RAB38: variants seen among roughly 807,000 people sequenced by gnomAD.
RAB38 encodes RAB38, member RAS oncogene family.
RAB38 carries 15 observed loss-of-function variants against 18.4 expected under a neutral mutation model. The observed-to-expected ratio is 0.82, with a 90% CI of 0.55 to 1.26. The LOEUF (loss-of-function observed/expected upper bound fraction) is 1.26. RAB38 is among the 50% of genes most tolerant of loss of function. The pLI is 0.00. For synonymous variants in RAB38, 101 were observed against 104.4 expected, an observed-to-expected ratio of 0.97 and a Z score of 0.20; for missense variants, 294 against 267.4, an observed-to-expected ratio of 1.10 and a Z score of -0.69.
chr11:87,937,352 C>CATATATATATATATATA, the RAB38 span, among the ~76,000 whole-genome samples: 30 of 75,376 alleles, frequency 4.0e-4, no homozygotes, highest in South Asian at 0.012. Flanking sequence ...ATATATATAT[C>CATATATATATATATATA]ATAATTCTAT....
intron 2 of RAB38, among the ~76,000 whole-genome samples, chr11:88,133,076 T>A (rs1007225376): frequency 6.6e-6 from 1 of 152,164 alleles, no homozygotes; most frequent in Non-Finnish European, 1.5e-5. Context: ...CATTATCCCA[T>A]GCTCTGTTCA....
At chr11:88,020,055 C>T in the RAB38 span, among the ~76,000 whole-genome samples, 1 of 152,090 alleles carries the variant, frequency 6.6e-6, no homozygotes, top group Non-Finnish European at 1.5e-5. Context: ...GTAAATGAGT[C>T]TTTGAGACAA....
the RAB38 span, among the ~76,000 whole-genome samples, chr11:88,043,399 TAGA>T: frequency 1.3e-5 from 2 of 151,902 alleles, no homozygotes; most frequent in African/African-American, 4.8e-5. Context: ...GGAGGAAAAT[TAGA>T]AGGTGATTGT....
At chr11:87,913,726 C>T in the RAB38 span, among the ~76,000 whole-genome samples, 7 of 152,064 alleles carry the variant, frequency 4.6e-5, no homozygotes, top group African/African-American at 1.2e-4. Flanking sequence ...GTGGGACTGA[C>T]GCTTTGAGAG....
At chr11:88,044,564 C>A in the RAB38 span, among the ~76,000 whole-genome samples, 1 of 152,140 alleles carries the variant, frequency 6.6e-6, no homozygotes, top group Non-Finnish European at 1.5e-5. Flanking sequence ...TTCCAAATAG[C>A]CAGAAAATGC....
At chr11:88,012,113 C>T in the RAB38 span, among the ~76,000 whole-genome samples, 1 of 152,240 alleles carries the variant, frequency 6.6e-6, no homozygotes, top group Admixed American at 6.5e-5. Flanking sequence ...GTCACTTTTG[C>T]TCTCTGGGCC....
the RAB38 span, among the ~76,000 whole-genome samples, chr11:87,914,956 G>T: frequency 2.0e-5 from 3 of 152,132 alleles, no homozygotes; most frequent in African/African-American, 7.2e-5. Flanking sequence ...CAGAGGCTTG[G>T]CAGCCTCCAC....
the RAB38 span, among the ~76,000 whole-genome samples, chr11:87,909,768 C>T: frequency 6.6e-6 from 1 of 151,964 alleles, no homozygotes; most frequent in African/African-American, 2.4e-5. Flanking sequence ...ACCAATTGTT[C>T]CTTACTTTTT....
At chr11:87,849,516 C>G in the RAB38 span, among the ~76,000 whole-genome samples, 1 of 152,096 alleles carries the variant, frequency 6.6e-6, no homozygotes, top group South Asian at 2.1e-4. Flanking sequence ...CCAATAGTGT[C>G]AGTGTGGCAG....
At chr11:87,882,784 G>A in the RAB38 span, among the ~76,000 whole-genome samples, 1 of 151,726 alleles carries the variant, frequency 6.6e-6, no homozygotes, top group Non-Finnish European at 1.5e-5. Flanking sequence ...GGAAACTGAG[G>A]TAACCTATTT....
chr11:88,123,267 A>G (rs1392793527), intron 2 of RAB38, among the ~76,000 whole-genome samples: 2 of 152,132 alleles, frequency 1.3e-5, no homozygotes, highest in Non-Finnish European at 2.9e-5. Context: ...CAGGAGTTTC[A>G]TTGCCCCATC....
At chr11:88,087,631 A>G in the RAB38 span, among the ~76,000 whole-genome samples, 2 of 151,962 alleles carry the variant, frequency 1.3e-5, no homozygotes, top group African/African-American at 2.4e-5. Flanking sequence ...GGTAAACCCA[A>G]TTTAAATTGC....
chr11:88,061,172 G>A, the RAB38 span, among the ~76,000 whole-genome samples: 2 of 152,176 alleles, frequency 1.3e-5, no homozygotes, highest in Non-Finnish European at 2.9e-5. Context: ...TTTTGCCAGT[G>A]AGGAAATTGA....
the RAB38 span, among the ~76,000 whole-genome samples, chr11:88,064,348 A>G: frequency 6.6e-6 from 1 of 152,206 alleles, no homozygotes; most frequent in African/African-American, 2.4e-5. Context: ...TTGAAACCAT[A>G]TTTCTGGCTT....
chr11:87,891,699 G>A, the RAB38 span, among the ~76,000 whole-genome samples: 2 of 151,860 alleles, frequency 1.3e-5, no homozygotes, highest in African/African-American at 2.4e-5. Context: ...TTTGGAATAT[G>A]TATTTTGAAT....
the RAB38 span, among the ~76,000 whole-genome samples, chr11:88,088,918 G>A: frequency 2.7e-5 from 4 of 147,140 alleles, no homozygotes; most frequent in East Asian, 2.0e-4. Context: ...CAATAATAGA[G>A]TTGGAGGAGA....
chr11:88,047,299 T>C, the RAB38 span, among the ~76,000 whole-genome samples: 13 of 152,200 alleles, frequency 8.5e-5, no homozygotes, highest in Admixed American at 4.6e-4. Context: ...ACTGTATCTC[T>C]CTGATCCACC....
the RAB38 span, among the ~76,000 whole-genome samples, chr11:87,905,781 G>A: frequency 2.0e-5 from 3 of 151,880 alleles, no homozygotes. Flanking sequence ...ATCAGCCAAA[G>A]ACTAAATAGG....
At chr11:87,892,644 C>T in the RAB38 span, among the ~76,000 whole-genome samples, 270 of 151,948 alleles carry the variant, frequency 1.8e-3, 1 homozygote, top group African/African-American at 6.0e-3. Flanking sequence ...AATTTCTACT[C>T]ATCTTAAACA....
Sources: allele counts gnomAD v4.1 joint callset (sites outside exome capture counted in the v4.1 genomes callset), GRCh38; gene constraint gnomAD v4.1.1; transcripts MANE v1.5; gene names NCBI Gene and HGNC (gene_info 2026-07-23, HGNC 2026-07-21).